The following ZNF385D variants were observed in gnomAD, a reference collection of about 807,000 sequenced individuals.
ZNF385D encodes zinc finger protein 659.
ZNF385D carries 15 observed loss-of-function variants against 35.8 expected under a neutral mutation model. The ratio of observed to expected loss-of-function variants is 0.42; its 90% CI spans 0.28 to 0.64. The LOEUF is 0.64. Ranked by LOEUF, ZNF385D falls within the 30% of genes least tolerant of loss-of-function variation. ZNF385D has a pLI of 0.23. For missense variants in ZNF385D, 474 were observed against 494.6 expected, an observed-to-expected ratio of 0.96 and a Z score of 0.39; for synonymous variants, 212 against 186.8, an observed-to-expected ratio of 1.13 and a Z score of -1.10.
At position 22,008,360 on chromosome 3, in the gene ZNF385D, C is replaced by CATTTTTTTTTTTTTT. The variant is rs773952386; in HGVS notation, c.325+160456_325+160457insAAAAAAAAAAAAAAT. On this transcript the variant is annotated intron_variant, in intron 3 of 5. Transcript: ENST00000494108. ...TCACTTTCATACAGGCCATGATTTT[C>CATTTTTTTTTTTTTT]TTTTTTTTTTTTGAGGCGGAGTCTC... Among the ~76,000 whole-genome samples the CATTTTTTTTTTTTTT allele has an allele frequency of 1.5e-3, 195 of 131,914 alleles. 19 individuals carry two copies. Among genetic ancestry groups the CATTTTTTTTTTTTTT allele is most frequent in the Middle Eastern group, 3.9e-3 (1 of 254 alleles). 86.5% of individuals were successfully genotyped at this position (131,914 alleles called of 152,430 possible).
At chr3:21,641,168 C>G (rs902679629) in intron 2 of ZNF385D, among the ~76,000 whole-genome samples, 1 of 152,254 alleles carries the variant, frequency 6.6e-6, no homozygotes. Context: ...TCACAAGTTC[C>G]TGTGGTGAGC....
chr3:22,243,091 AC>A (rs963906508), intron 2 of ZNF385D, among the ~76,000 whole-genome samples: 2 of 151,070 alleles, frequency 1.3e-5, no homozygotes, highest in Non-Finnish European at 2.9e-5. Flanking sequence ...TCAAAGGAAA[AC>A]TACAGAATGG....
rs76295557 is a variant in ZNF385D at position 21,685,560 on chromosome 3, G to A, written c.23-20532C>T. On this transcript the variant is annotated intron_variant, in intron 1 of 7. Coordinates refer to ENST00000281523, the MANE Select transcript of ZNF385D (RefSeq NM_024697.3). Reference sequence around the variant, plus strand: ...TATCAAACAGACAAGCAGCACATGCGGTCTTGCTCCAACAAGAGGAAGTAT... The same window carrying A: ...TATCAAACAGACAAGCAGCACATGCAGTCTTGCTCCAACAAGAGGAAGTAT... Among the ~76,000 whole-genome samples the A allele has an allele frequency of 8.0e-3, 1,216 of 152,164 alleles. 19 individuals are homozygous for A. Among genetic ancestry groups the A allele is most frequent in the African/African-American group, 0.028 (1,143 of 41,518 alleles).
chr3:22,136,929 T>C (rs11916267), intron 3 of ZNF385D, among the ~76,000 whole-genome samples: 4 of 152,030 alleles, frequency 2.6e-5, no homozygotes, highest in Non-Finnish European at 4.4e-5. Flanking sequence ...AGAGAAGGAA[T>C]AGAGGGATGA....
chr3:22,003,217 T>C (rs1392285900), intron 3 of ZNF385D, among the ~76,000 whole-genome samples: 1 of 152,170 alleles, frequency 6.6e-6, no homozygotes, highest in African/African-American at 2.4e-5. Flanking sequence ...GACAAAAGAA[T>C]TCAGCTAACT....
At chr3:21,504,663 CT>C (rs1706636678) in intron 4 of ZNF385D, among the ~76,000 whole-genome samples, 1 of 151,986 alleles carries the variant, frequency 6.6e-6, no homozygotes, top group African/African-American at 2.4e-5. Context: ...TTTTATGGAG[CT>C]TTATAGGCAG....
chr3:21,538,208 C>A (rs1468739819), intron 3 of ZNF385D, among the ~76,000 whole-genome samples: 2 of 151,928 alleles, frequency 1.3e-5, no homozygotes, highest in East Asian at 3.9e-4. Flanking sequence ...ATTAGGTAAA[C>A]AAGTGCAGAT....
At chr3:22,171,244 T>A (rs563057799) in intron 2 of ZNF385D, among the ~76,000 whole-genome samples, 6 of 152,324 alleles carry the variant, frequency 3.9e-5, no homozygotes, top group East Asian at 1.9e-4. Context: ...TTGTAACACA[T>A]CATTTTTGCT....
At chr3:21,517,339 A>C (rs946603340) in intron 3 of ZNF385D, among the ~76,000 whole-genome samples, 1 of 152,078 alleles carries the variant, frequency 6.6e-6, no homozygotes, top group African/African-American at 2.4e-5. Flanking sequence ...GGGTCGTAGA[A>C]ACAGAAAAGA....
At chr3:21,756,530 T>A (rs1285076530) in intron 3 of ZNF385D, among the ~76,000 whole-genome samples, 1 of 152,128 alleles carries the variant, frequency 6.6e-6, no homozygotes, top group Non-Finnish European at 1.5e-5. Flanking sequence ...GGGATTCATA[T>A]TTAAATTTGG....
chr3:21,721,415 A>C (rs2068535732), intron 1 of ZNF385D, among the ~76,000 whole-genome samples: 2 of 152,042 alleles, frequency 1.3e-5, no homozygotes, highest in Admixed American at 1.3e-4. Context: ...ATAAAAAGAA[A>C]TAGTCCAGAG....
chr3:22,129,400 C>A (rs1366780445), intron 3 of ZNF385D, among the ~76,000 whole-genome samples: 2 of 152,130 alleles, frequency 1.3e-5, no homozygotes, highest in Non-Finnish European at 1.5e-5. Flanking sequence ...AGGACTAAGT[C>A]TTTTCCTTCA....
chr3:21,438,950 C>T (rs1448598889), intron 4 of ZNF385D, among the ~76,000 whole-genome samples: 1 of 151,868 alleles, frequency 6.6e-6, no homozygotes, highest in Non-Finnish European at 1.5e-5. Context: ...ATCTTGAGAA[C>T]CTAGAGATGG....
At chr3:21,777,500 A>G (rs1459332149) in intron 3 of ZNF385D, 2 of 152,034 alleles carry the variant, frequency 1.3e-5, no homozygotes, top group East Asian at 1.9e-4. Flanking sequence ...CTGACGGTGC[A>G]TTGGGAAGAA....
chr3:21,454,843 T>C (rs768322730), intron 4 of ZNF385D, among the ~76,000 whole-genome samples: 2 of 152,146 alleles, frequency 1.3e-5, no homozygotes, highest in African/African-American at 4.8e-5. Flanking sequence ...GAAAACCCCA[T>C]TGTCTAAGCC....
At position 21,782,999 on chromosome 3, in the gene ZNF385D, T is replaced by C. The variant is rs12486782; in HGVS notation, c.326-117971A>G. On this transcript the variant is annotated intron_variant, in intron 3 of 5. Transcript: ENST00000494108. ...ATTAACTAAAATAGTCACACCTCGATTGCAATTTCTACTTATAGCCCTGAC... is the reference window on the plus strand; with the variant it reads ...ATTAACTAAAATAGTCACACCTCGACTGCAATTTCTACTTATAGCCCTGAC... 1.8e-3 allele frequency among the ~76,000 whole-genome samples: 278 copies of C among 152,224 alleles called. 1 individual carries two copies. Among genetic ancestry groups the C allele is most frequent in the Non-Finnish European group, 3.2e-3 (219 of 67,998 alleles).
chr3:22,168,707 T>G, intron 3 of ZNF385D: 1 of 660,704 alleles, frequency 1.5e-6, no homozygotes, highest in Non-Finnish European at 1.9e-6. Flanking sequence ...TTAAGTAATA[T>G]TTTTCCTGGT....
intron 3 of ZNF385D, among the ~76,000 whole-genome samples, chr3:21,768,851 C>T (rs79561522): frequency 0.1 from 15,378 of 151,874 alleles, 835 homozygotes; most frequent in South Asian, 0.17. Context: ...CATTTTTTCC[C>T]TCCTTTGATT....
chr3:21,988,238 A>G (rs575947985), intron 3 of ZNF385D, among the ~76,000 whole-genome samples: 11 of 124,810 alleles, frequency 8.8e-5, no homozygotes, highest in Admixed American at 2.3e-4. Flanking sequence ...GGAGGAGGAG[A>G]GGCGCTCTGC....
Sources: gnomAD v4.1 joint callset for allele counts (sites outside exome capture counted in the v4.1 genomes callset) on GRCh38, gnomAD v4.1.1 for gene constraint, MANE v1.5 for transcripts, NCBI Gene and HGNC (gene_info 2026-07-23, HGNC 2026-07-21) for gene names.